Variants in ICE2 observed in about 807,000 individuals in gnomAD.
ICE2 encodes the protein little elongation complex subunit 2.
In ICE2, 87 loss-of-function variants were observed where a neutral mutation model predicts 105.4. That is an observed-to-expected ratio of 0.83 (90% CI 0.69 to 0.99). The LOEUF is 0.99. Ranked by LOEUF, ICE2 falls within the 50% of genes least tolerant of loss-of-function variation. The pLI is 0.00. For synonymous variants in ICE2, 399 were observed against 392.0 expected, an observed-to-expected ratio of 1.02 and a Z score of -0.21; for missense variants, 1,323 against 1,146.7, an observed-to-expected ratio of 1.15 and a Z score of -2.22.
intron 15 of ICE2, among the ~76,000 whole-genome samples, chr15:60,427,982 T>TGCTA (rs2063374019): frequency 1.3e-5 from 2 of 152,226 alleles, no homozygotes; most frequent in South Asian, 4.1e-4. Context: ...GTTCACAAAC[T>TGCTA]GCTATTACTT....
chr15:60,452,741 C>T (rs2063995538), intron 9 of ICE2: 1 of 403,828 alleles, frequency 2.5e-6, no homozygotes, highest in Non-Finnish European at 3.3e-6. Flanking sequence ...TGTACAAATT[C>T]ATTTAAACCT....
chr15:60,438,617 T>C (rs570878286), intron 12 of ICE2: 4 of 152,224 alleles, frequency 2.6e-5, no homozygotes, highest in Admixed American at 6.5e-5. Flanking sequence ...TTCTTACCTT[T>C]TGAAAGAAAT....
At chr15:60,443,539 C>A (rs779975557) in intron 11 of ICE2, among the ~76,000 whole-genome samples, 1 of 152,152 alleles carries the variant, frequency 6.6e-6, no homozygotes, top group Admixed American at 6.5e-5. Flanking sequence ...CCTTGAACTA[C>A]GTGCATGTGA....
intron 12 of ICE2, among the ~76,000 whole-genome samples, chr15:60,436,515 A>G (rs7169360): frequency 0.64 from 96,973 of 151,818 alleles, 33,026 homozygotes; most frequent in East Asian, 0.93. Context: ...ATTTATGAAC[A>G]ACAACTATTA....
intron 15 of ICE2, among the ~76,000 whole-genome samples, chr15:60,424,981 TCTC>T (rs2063310173): frequency 6.6e-6 from 1 of 152,196 alleles, no homozygotes; most frequent in Non-Finnish European, 1.5e-5. Flanking sequence ...GCCACCTTGT[TCTC>T]CTCTATTTCT....
intron 12 of ICE2, chr15:60,440,000 T>G (rs2063684958): frequency 6.6e-6 from 1 of 152,206 alleles, no homozygotes; most frequent in Non-Finnish European, 1.5e-5. Flanking sequence ...TGCTTTAATA[T>G]TTTTTGGTCA....
intron 11 of ICE2, among the ~76,000 whole-genome samples, chr15:60,444,103 T>C (rs2063774377): frequency 6.6e-6 from 1 of 151,938 alleles, no homozygotes; most frequent in Non-Finnish European, 1.5e-5. Flanking sequence ...TCTTGTCTCT[T>C]TTAAAAAAAG....
At chr15:60,456,236 T>A (rs12593343) in intron 6 of ICE2, among the ~76,000 whole-genome samples, 1 of 151,320 alleles carries the variant, frequency 6.6e-6, no homozygotes, top group Non-Finnish European at 1.5e-5. Context: ...TGCTTAAAAT[T>A]TAATGTCTAT....
At chr15:60,473,620 A>G (rs978621659) in intron 3 of ICE2, among the ~76,000 whole-genome samples, 1 of 152,042 alleles carries the variant, frequency 6.6e-6, no homozygotes, top group East Asian at 1.9e-4. Context: ...TTAAAGATAG[A>G]CATATGTTCT....
intron 11 of ICE2, 200 bp from the exon 12 acceptor site, chr15:60,442,745 T>C: frequency 2.3e-6 from 1 of 430,912 alleles, no homozygotes; most frequent in South Asian, 4.1e-5. Flanking sequence ...AAAAGGTGGA[T>C]GGATGAAAGA....
intron 15 of ICE2, among the ~76,000 whole-genome samples, chr15:60,425,904 G>C (rs1202536290): frequency 6.6e-6 from 1 of 152,168 alleles, no homozygotes; most frequent in African/African-American, 2.4e-5. Context: ...ATCAAACACA[G>C]GGCTAGATTG....
At chr15:60,433,450 T>C (rs1433262554) in intron 13 of ICE2, among the ~76,000 whole-genome samples, 1 of 151,880 alleles carries the variant, frequency 6.6e-6, no homozygotes, top group Non-Finnish European at 1.5e-5. Context: ...TGTCCATCCT[T>C]CCTTTCTTCC....
At chr15:60,425,474 G>T (rs2063320909) in intron 15 of ICE2, among the ~76,000 whole-genome samples, 1 of 152,180 alleles carries the variant, frequency 6.6e-6, no homozygotes, top group Non-Finnish European at 1.5e-5. Context: ...AGAAAAAAGG[G>T]ATAAGTGTGA....
Position 60,465,482 on chromosome 15 carries a change from C to T in ICE2, c.528+1112G>A, listed in dbSNP as rs576315713. Among the ~76,000 whole-genome samples the T allele has an allele frequency of 3.7e-4, 57 of 152,122 alleles. No individual in the cohort carries two copies. The South Asian group carries it at 0.011, about 29-fold the overall frequency. On this transcript the variant is annotated intron_variant, in intron 5 of 15. Transcript: ENST00000261520. ...AACAATAGGTGTGAGTCACCGTGTC[C>T]GGACTTTTTAAAAAAACAGTGAAAG...
chr15:60,427,746 C>T (rs938623909), intron 15 of ICE2, among the ~76,000 whole-genome samples: 4 of 152,112 alleles, frequency 2.6e-5, no homozygotes, highest in Non-Finnish European at 4.4e-5. Flanking sequence ...CAACTAAACT[C>T]GAACTGGAAT....
intron 5 of ICE2, among the ~76,000 whole-genome samples, chr15:60,464,649 A>G (rs1384493626): frequency 6.6e-6 from 1 of 152,052 alleles, no homozygotes; most frequent in African/African-American, 2.4e-5. Context: ...TGGGGGAAGA[A>G]TAACTGATAG....
chr15:60,431,504 G>A (rs1252638369), intron 14 of ICE2, among the ~76,000 whole-genome samples: 2 of 152,146 alleles, frequency 1.3e-5, no homozygotes, highest in Non-Finnish European at 2.9e-5. Flanking sequence ...ACAAGTCAAC[G>A]AATACAGGTG....
At chr15:60,456,359 A>G (rs1168536934) in intron 6 of ICE2, among the ~76,000 whole-genome samples, 12 of 149,852 alleles carry the variant, frequency 8.0e-5, no homozygotes. Context: ...CCTGGCCAAC[A>G]TGGTGAAATC....
At chr15:60,460,926 T>A (rs1331796931) in intron 5 of ICE2, among the ~76,000 whole-genome samples, 3 of 152,232 alleles carry the variant, frequency 2.0e-5, no homozygotes, top group African/African-American at 7.2e-5. Flanking sequence ...AGATTAGGGT[T>A]TCTCAATGCA....
Sources: allele counts gnomAD v4.1 joint callset (sites outside exome capture counted in the v4.1 genomes callset), GRCh38; gene constraint gnomAD v4.1.1; transcripts MANE v1.5; gene names NCBI Gene and HGNC (gene_info 2026-07-23, HGNC 2026-07-21).